Variants in FGF18 observed in about 807,000 individuals in gnomAD.
The protein encoded by FGF18 is fibroblast growth factor 18.
In FGF18, 5 loss-of-function variants were observed where a neutral mutation model predicts 23.0. The ratio of observed to expected loss-of-function variants is 0.22; its 90% CI spans 0.11 to 0.46. The LOEUF is 0.46. Ranked by LOEUF, FGF18 falls within the 20% of genes least tolerant of loss-of-function variation. FGF18 has a pLI of 0.99. For missense variants in FGF18, 180 were observed against 291.6 expected (o/e 0.62, Z 2.79); for synonymous variants, 117 against 118.9 (o/e 0.98, Z 0.10).
chr5:171,443,135 CT>C (rs551889632), intron 3 of FGF18, among the ~76,000 whole-genome samples: 230 of 146,840 alleles, frequency 1.6e-3, no homozygotes, highest in Non-Finnish European at 1.6e-3. Flanking sequence ...CATTCACACA[CT>C]TTTTTTTTTT....
intron 2 of FGF18, among the ~76,000 whole-genome samples, chr5:171,430,357 C>CA (rs397884738): frequency 0.29 from 27,055 of 94,550 alleles, 3,147 homozygotes; most frequent in South Asian, 0.38. Context: ...GACTGTGTCT[C>CA]AAAAAAAAAA....
In FGF18 at chr5:171,456,241, G is replaced by A. The variant is rs957828082; in HGVS notation, c.358-298G>A. On this transcript the variant is annotated intron_variant, in intron 4 of 4. Transcript: ENST00000274625. This position sits in a 1 kb window ranked among gnomAD's most constrained non-coding sequence, Gnocchi z 6.1. ...CCTCATCCTCCTCCATCCCTCAGGTGATGTCTGGTCACCCTGGCCTGTCCT... is the reference window on the plus strand; with the variant it reads ...CCTCATCCTCCTCCATCCCTCAGGTAATGTCTGGTCACCCTGGCCTGTCCT... 6.6e-6 allele frequency among the ~76,000 whole-genome samples: 1 copy of A among 152,184 alleles called. No individual in the cohort carries two copies. Among genetic ancestry groups the A allele is most frequent in the Non-Finnish European group, 1.5e-5 (1 of 68,044 alleles).
At chr5:171,424,850 GA>G (rs1772067306) in intron 2 of FGF18, among the ~76,000 whole-genome samples, 1 of 143,732 alleles carries the variant, frequency 7.0e-6, no homozygotes, top group South Asian at 2.4e-4. Flanking sequence ...AGCAGAGGGG[GA>G]AGGGGGAGGG....
rs374522551 is a variant in FGF18 at position 171,430,764 on chromosome 5, C to T, written c.70-5329C>T. 9.7e-4 allele frequency among the ~76,000 whole-genome samples: 134 copies of T among 138,854 alleles called. 2 individuals are homozygous for T. The East Asian group carries it at 0.012, about 13-fold the overall frequency. 91.1% of individuals were successfully genotyped at this position (138,854 alleles called of 152,430 possible). On this transcript the variant is annotated intron_variant, in intron 2 of 4. Coordinates refer to ENST00000274625, the MANE Select transcript of FGF18 (RefSeq NM_003862.3). ...GATTGCGCCACTGCAGTCCGTAGTCCGGCCTGGGCGACAGAGCAAGACTCC... is the reference window on the plus strand; with the variant it reads ...GATTGCGCCACTGCAGTCCGTAGTCTGGCCTGGGCGACAGAGCAAGACTCC...
chr5:171,453,222 C>T (rs1029784516), intron 4 of FGF18, among the ~76,000 whole-genome samples: 2 of 152,162 alleles, frequency 1.3e-5, no homozygotes, highest in Non-Finnish European at 2.9e-5. Context: ...CAGAGGCAAG[C>T]GTCAAGCCCG....
intron 1 of FGF18, 53 bp downstream of exon 1, chr5:171,420,284 C>T: frequency 6.2e-7 from 1 of 1,605,436 alleles, no homozygotes; most frequent in Admixed American, 1.7e-5. Flanking sequence ...TGTCCGTATG[C>T]CTGTGCCCTG....
At chr5:171,420,662 C>T (rs1771991463) in intron 2 of FGF18, among the ~76,000 whole-genome samples, 1 of 152,194 alleles carries the variant, frequency 6.6e-6, no homozygotes, top group South Asian at 2.1e-4. Flanking sequence ...CGAGGAGGCG[C>T]TGGCTGTCGC....
At chr5:171,429,143 CA>C (rs1284287696) in intron 2 of FGF18, among the ~76,000 whole-genome samples, 2 of 152,316 alleles carry the variant, frequency 1.3e-5, no homozygotes, top group East Asian at 3.9e-4. Context: ...GGGCACCCAT[CA>C]GAGCCACACT....
chr5:171,421,253 AG>A (rs960065889), intron 2 of FGF18, among the ~76,000 whole-genome samples: 2 of 149,734 alleles, frequency 1.3e-5, no homozygotes, highest in African/African-American at 5.0e-5. Context: ...GGTTGGGGGG[AG>A]GGAGAGAGAA....
rs1423724315 is a variant in FGF18 at position 171,451,028 on chromosome 5, G to A, written c.357+1775G>A. 6.6e-6 allele frequency among the ~76,000 whole-genome samples: 1 copy of A among 152,002 alleles called. No homozygotes were observed. Among genetic ancestry groups the A allele is most frequent in the Non-Finnish European group, 1.5e-5 (1 of 67,946 alleles). ...CAGGAGGGCTGCGCGGGGGTCAAAA[G>A]AGCAGCCCCGTCCCCTCGGGCCGCC... On this transcript the variant is annotated intron_variant, in intron 4 of 4. Coordinates refer to ENST00000274625, the MANE Select transcript of FGF18 (RefSeq NM_003862.3). This position sits in a 1 kb window ranked among gnomAD's most constrained non-coding sequence, Gnocchi z 4.5.
Position 171,450,539 on chromosome 5 carries a change from C to T in FGF18, c.357+1286C>T, listed in dbSNP as rs1420551879. Among the ~76,000 whole-genome samples, 10 of 152,176 alleles carry T rather than the reference C, an allele frequency of 6.6e-5. No individual in the cohort carries two copies. In the East Asian group the frequency reaches 1.7e-3, roughly 26 times the overall value. ...TCCCAGGTCCCACACTACAGCTCGGCGGGATTCAAAGCCCGGTTTGGAAGG... is the reference window on the plus strand; with the variant it reads ...TCCCAGGTCCCACACTACAGCTCGGTGGGATTCAAAGCCCGGTTTGGAAGG... On this transcript the variant is annotated intron_variant, in intron 4 of 4. Transcript: ENST00000274625.
At position 171,443,500 on chromosome 5, in the gene FGF18, C is replaced by CTTTTTTTTTTTTTTTTTTTTTTTTTT. The variant is rs766926286; in HGVS notation, c.251-5647_251-5646insTTTTTTTTTTTTTTTTTTTTTTTTTT. On this transcript the variant is annotated intron_variant, in intron 3 of 4. Transcript: ENST00000274625. ...TCAGATAAGTATTCACTGTTATCAT[C>CTTTTTTTTTTTTTTTTTTTTTTTTTT]ATTTTTTTTTTTTTTTTTTTTTTTT... Among the ~76,000 whole-genome samples, 5 of 70,408 alleles carry CTTTTTTTTTTTTTTTTTTTTTTTTTT rather than the reference C, an allele frequency of 7.1e-5. 1 individual carries two copies. Among genetic ancestry groups the CTTTTTTTTTTTTTTTTTTTTTTTTTT allele is most frequent in the African/African-American group, 1.7e-4 (4 of 23,678 alleles). 46.2% of individuals were successfully genotyped at this position (70,408 alleles called of 152,430 possible).
intron 3 of FGF18, among the ~76,000 whole-genome samples, chr5:171,445,956 A>T (rs1488525638): frequency 6.6e-6 from 1 of 151,716 alleles, no homozygotes; most frequent in Non-Finnish European, 1.5e-5. Context: ...GATGCTGAGG[A>T]CCTGGCCTGG....
intron 4 of FGF18, among the ~76,000 whole-genome samples, chr5:171,452,485 A>G (rs1006811636): frequency 6.6e-6 from 1 of 152,170 alleles, no homozygotes; most frequent in Non-Finnish European, 1.5e-5. Context: ...TGTACCAATC[A>G]GATGCCAAAG....
Position 171,442,849 on chromosome 5 carries a change from C to A in FGF18, c.251-6298C>A, listed in dbSNP as rs189946890. The stretch of plus-strand genomic sequence containing the variant: ...AGCACACTGGGATTAGTCAACCAAT[C>A]AATCAGTCAGTCAATGCCACTTCCC... On this transcript the variant is annotated intron_variant, in intron 3 of 4. Coordinates refer to ENST00000274625, the MANE Select transcript of FGF18 (RefSeq NM_003862.3). Among the ~76,000 whole-genome samples, 533 of 152,334 alleles carry A rather than the reference C, an allele frequency of 3.5e-3. 4 individuals carry two copies. The highest frequency in any genetic ancestry group is 0.012 in the African/African-American group (509 of 41,592).
chr5:171,427,620 T>C (rs1481455908), intron 2 of FGF18, among the ~76,000 whole-genome samples: 1 of 152,246 alleles, frequency 6.6e-6, no homozygotes, highest in African/African-American at 2.4e-5. Context: ...GATGACTAGC[T>C]ATGTAGTAGG....
At chr5:171,455,251 C>T (rs1350092823) in intron 4 of FGF18, among the ~76,000 whole-genome samples, 2 of 152,058 alleles carry the variant, frequency 1.3e-5, no homozygotes, top group East Asian at 1.9e-4. Context: ...ATCCCACAAC[C>T]GACGGCACAG....
chr5:171,438,349 G>A (rs1031717740), intron 3 of FGF18, among the ~76,000 whole-genome samples: 4 of 152,054 alleles, frequency 2.6e-5, no homozygotes, highest in African/African-American at 4.8e-5. Context: ...TGATCCACCC[G>A]CCTTGGCCTC....
intron 3 of FGF18, among the ~76,000 whole-genome samples, chr5:171,445,266 C>T (rs531127610): frequency 1.3e-5 from 2 of 152,184 alleles, no homozygotes; most frequent in South Asian, 2.1e-4. Context: ...GTGCCCTTTG[C>T]GGGTCCCATT....
Sources: gnomAD v4.1 joint callset for allele counts (sites outside exome capture counted in the v4.1 genomes callset) on GRCh38, gnomAD v4.1.1 for gene constraint, Gnocchi (gnomAD v3.1) non-coding constraint, MANE v1.5 for transcripts, NCBI Gene and HGNC (gene_info 2026-07-23, HGNC 2026-07-21) for gene names.